Variants in PRKCG observed in about 807,000 individuals in gnomAD.
PRKCG encodes the protein protein kinase C gamma.
Under a neutral mutation model 82.0 loss-of-function variants are expected in PRKCG, and 28 were observed. That is an observed-to-expected ratio of 0.34 (90% CI 0.25 to 0.47). PRKCG has a LOEUF of 0.47. Among genes scored for constraint, PRKCG ranks in the 20% least tolerant of loss-of-function variants. PRKCG has a pLI of 1.00. For synonymous variants in PRKCG, 383 were observed against 376.6 expected (o/e 1.02, Z -0.20); for missense variants, 640 against 952.7 (o/e 0.67, Z 4.32).
intron 15 of PRKCG, among the ~76,000 whole-genome samples, chr19:53,904,203 C>T (rs1032275207): frequency 2.6e-5 from 4 of 151,808 alleles, no homozygotes; most frequent in Admixed American, 2.0e-4. Context: ...TGAGACCAGC[C>T]TGGCCAATAT....
At chr19:53,888,101 G>A (rs1394967395) in intron 3 of PRKCG, among the ~76,000 whole-genome samples, 1 of 152,202 alleles carries the variant, frequency 6.6e-6, no homozygotes, top group African/African-American at 2.4e-5. Flanking sequence ...TGGATGGTTT[G>A]TGTGTCAGGC....
Position 53,890,036 on chromosome 19 carries a change from GCCTGGCCCCGCCCCCTCC to G in PRKCG, c.529+22_529+39del, listed in dbSNP as rs763913242. 1 of 1,546,698 alleles carries G rather than the reference GCCTGGCCCCGCCCCCTCC, an allele frequency of 6.5e-7. No homozygotes were observed. The highest frequency in any genetic ancestry group is 1.2e-5 in the South Asian group (1 of 84,198). On this transcript the variant is annotated intron_variant, in intron 5 of 17. Transcript: ENST00000263431. ...GTAACTGGTGAGGCCCCGCCCCCTC[GCCTGGCCCCGCCCCCTCC>G]CCAAGTGTGAGGCGGGGCTGACCCA... is the stretch of plus-strand genomic sequence containing the variant.
chr19:53,906,541 G>A lies in PRKCG; in HGVS notation c.1905+84G>A. ...CCTCAATATACCTGTATGTGGGGGTGGGGTTCCCTCTGCAGAGCCCCCCGC... is the reference window on the plus strand; with the variant it reads ...CCTCAATATACCTGTATGTGGGGGTAGGGTTCCCTCTGCAGAGCCCCCCGC... On this transcript the variant is annotated intron_variant, in intron 17 of 17. Transcript: ENST00000263431. 1.9e-6 allele frequency: 3 copies of A among 1,574,356 alleles called. No individual in the cohort carries two copies. The South Asian group carries it at 3.4e-5, about 18-fold the overall frequency.
Position 53,883,113 on chromosome 19 carries a change from G to A in PRKCG, c.171-50G>A, listed in dbSNP as rs770596304. ...GCCCCCTGTGGCTCGCAGAGGTTGG[G>A]GGTCCAGGTACCCCTTTCTGCACTG... On this transcript the variant is annotated intron_variant, in intron 1 of 17. Coordinates refer to ENST00000263431, the MANE Select transcript of PRKCG (RefSeq NM_002739.5). This position sits in a 1 kb window ranked among gnomAD's most constrained non-coding sequence, Gnocchi z 5.4. 4 of 1,611,756 alleles carry A rather than the reference G, an allele frequency of 2.5e-6. No homozygotes were observed. In the South Asian group the frequency reaches 3.3e-5, roughly 13 times the overall value.
chr19:53,900,158 C>G lies in PRKCG; in HGVS notation c.1282-75C>G, dbSNP rs1176939047. ...GCATCTGGAACCTTCCACGTCTGTC[C>G]TGAGTGATCAGGAAAGAAATTCTCC... On this transcript the variant is annotated intron_variant, in intron 11 of 17. Transcript: ENST00000263431. The surrounding 1 kb of genome is among the most constrained non-coding windows in gnomAD (Gnocchi z 4.2). The G allele has an allele frequency of 1.4e-6, 2 of 1,407,350 alleles. No homozygotes were observed. Among genetic ancestry groups the G allele is most frequent in the African/African-American group, 2.8e-5 (2 of 70,620 alleles). 87.2% of individuals were successfully genotyped at this position (1,407,350 alleles called of 1,614,324 possible).
intron 16 of PRKCG, among the ~76,000 whole-genome samples, chr19:53,906,068 TCCTCCTCCTCCTC>T (rs1568763902): frequency 3.1e-5 from 2 of 64,218 alleles, no homozygotes; most frequent in Non-Finnish European, 5.0e-5. Flanking sequence ...CTCCTCCTCC[TCCTCCTCCTCCTC>T]CTCCTTCTTC....
At chr19:53,881,355 C>T (rs1374091801), upstream of PRKCG, among the ~76,000 whole-genome samples, 1 of 151,624 alleles carries the variant, frequency 6.6e-6, no homozygotes, top group Non-Finnish European at 1.5e-5. Flanking sequence ...GAGAGGAAGA[C>T]AGAGACGGAC....
intron 9 of PRKCG, among the ~76,000 whole-genome samples, chr19:53,894,937 G>A (rs531624954): frequency 1.3e-5 from 2 of 152,308 alleles, no homozygotes; most frequent in Admixed American, 1.3e-4. Context: ...CCCTGGCACA[G>A]CCTGAGTCAG....
rs573542877 is a variant in PRKCG, at chr19:53,896,458, C to T, written c.940-1501C>T. ...TATTTGAGACACAGTCTCGCTCTGTCGCCCAGGCTGGAATGCAGTGGAGCG... is the reference window on the plus strand; with the variant it reads ...TATTTGAGACACAGTCTCGCTCTGTTGCCCAGGCTGGAATGCAGTGGAGCG... On this transcript the variant is annotated intron_variant, in intron 9 of 17. Transcript: ENST00000263431. 8.6e-5 allele frequency among the ~76,000 whole-genome samples: 13 copies of T among 151,624 alleles called. No individual in the cohort carries two copies. In the East Asian group the frequency reaches 1.2e-3, roughly 14 times the overall value.
At position 53,892,794 on chromosome 19, in the gene PRKCG, A is replaced by ACACG. The variant is rs2068688914; in HGVS notation, c.821+154_821+155insGCAC. Reference sequence around the variant, plus strand: ...CACACACACACACGCACACACACGCACACACCCCTCTCTCTCTATTCTTCT... The same window carrying ACACG: ...CACACACACACACGCACACACACGCACACGCACACCCCTCTCTCTCTATTCTTCT... On this transcript the variant is annotated intron_variant, in intron 7 of 17. Transcript: ENST00000263431. The surrounding 1 kb of genome is among the most constrained non-coding windows in gnomAD (Gnocchi z 5.9). 5 of 1,156,212 alleles carry ACACG rather than the reference A, an allele frequency of 4.3e-6. No individual in the cohort carries two copies. The highest frequency in any genetic ancestry group is 6.1e-6 in the Non-Finnish European group (5 of 814,290). 71.6% of individuals were successfully genotyped at this position (1,156,212 alleles called of 1,614,324 possible). A position where few individuals can be genotyped will look rare whatever the true frequency, so the allele number is the denominator to read the frequency against.
intron 16 of PRKCG, among the ~76,000 whole-genome samples, 191 bp downstream of exon 16, chr19:53,904,933 C>T (rs2068790858): frequency 6.6e-6 from 1 of 152,186 alleles, no homozygotes; most frequent in Non-Finnish European, 1.5e-5. Flanking sequence ...CTGGAGATGG[C>T]CTCTGTCTCA....
intron 11 of PRKCG, 136 bp downstream of exon 11, chr19:53,898,764 C>T (rs1165088673): frequency 4.5e-6 from 2 of 446,234 alleles, no homozygotes; most frequent in Admixed American, 9.1e-5. Context: ...GGCGGATTGT[C>T]TCCTCAGGGG....
chr19:53,900,698 C>G lies in PRKCG; in HGVS notation c.1524C>G (p.Pro508=). The G allele has an allele frequency of 6.2e-7, 1 of 1,614,208 alleles. No individual in the cohort carries two copies. Among genetic ancestry groups the G allele is most frequent in the South Asian group, 1.1e-5 (1 of 91,084 alleles). ...DFGMCKENVF[P]GTTTRTFCGT... is the part of the protein sequence containing the mutation. The stretch of plus-strand genomic sequence containing the variant: ...GCATGTGTAAGGAGAACGTCTTCCC[C>G]GGGACGACAACCCGCACCTTCTGCG... The change falls in exon 14 of 18, where the codon CCC becomes CCG. Residue 508 remains proline (P), a synonymous_variant. Transcript: ENST00000263431. The surrounding 1 kb of genome is among the most constrained non-coding windows in gnomAD (Gnocchi z 4.2).
chr19:53,889,509 C>T lies in PRKCG; in HGVS notation c.286-129C>T, dbSNP rs1952005641. On this transcript the variant is annotated intron_variant, in intron 3 of 17. Transcript: ENST00000263431. The surrounding 1 kb of genome is among the most constrained non-coding windows in gnomAD (Gnocchi z 4.4). ...AGCAGGTGCTCAATGATTATTGGTA[C>T]ATAGAGTGAAAGAGATGGAGCCTCA... The T allele has an allele frequency of 1.4e-6, 1 of 714,380 alleles. No homozygotes were observed. The highest frequency in any genetic ancestry group is 2.5e-6 in the Non-Finnish European group (1 of 394,592). 44.3% of individuals were successfully genotyped at this position (714,380 alleles called of 1,614,324 possible).
Position 53,906,901 on chromosome 19 carries a change from C to T in PRKCG, c.*6C>T, listed in dbSNP as rs1568764963. On this transcript the variant is annotated 3_prime_UTR_variant, in exon 18 of 18. Transcript: ENST00000263431. ...TGCCTGTGCCCGTCATGTAATCTCA[C>T]CCGCCGCCACTAGGTGTCCCCAACG... 3 of 1,613,304 alleles carry T rather than the reference C, an allele frequency of 1.9e-6. No individual in the cohort carries two copies. Among genetic ancestry groups the T allele is most frequent in the South Asian group, 1.1e-5 (1 of 91,088 alleles).
chr19:53,901,849 CAAA>C (rs752402468), intron 14 of PRKCG, among the ~76,000 whole-genome samples: 15 of 69,034 alleles, frequency 2.2e-4, no homozygotes, highest in Admixed American at 1.7e-4. Flanking sequence ...GACCCTGTCT[CAAA>C]AAAAAAAAAA....
At position 53,906,911 on chromosome 19, in the gene PRKCG, C is replaced by T. The variant is rs1306693735; in HGVS notation, c.*16C>T. Reference sequence around the variant, plus strand: ...CGTCATGTAATCTCACCCGCCGCCACTAGGTGTCCCCAACGTCCCCTCCGC... The same window carrying T: ...CGTCATGTAATCTCACCCGCCGCCATTAGGTGTCCCCAACGTCCCCTCCGC... On this transcript the variant is annotated 3_prime_UTR_variant, in exon 18 of 18. Transcript: ENST00000263431. 1.2e-6 allele frequency: 2 copies of T among 1,613,340 alleles called. No homozygotes were observed. Among genetic ancestry groups the T allele is most frequent in the Non-Finnish European group, 1.7e-6 (2 of 1,179,898 alleles).
At chr19:53,894,441 C>CTTCT (rs35641211) in intron 9 of PRKCG, among the ~76,000 whole-genome samples, 1 of 150,612 alleles carries the variant, frequency 6.6e-6, no homozygotes, top group Non-Finnish European at 1.5e-5. Flanking sequence ...ACTGAATATC[C>CTTCT]TTCTTTTTCT....
At chr19:53,893,479 C>T in intron 9 of PRKCG, 88 bp downstream of exon 9, 1 of 1,379,802 alleles carries the variant, frequency 7.2e-7, no homozygotes, top group Non-Finnish European at 1.0e-6. Flanking sequence ...CTTCAATTCC[C>T]CACACATGAG....
Sources: gnomAD v4.1 joint callset for allele counts (sites outside exome capture counted in the v4.1 genomes callset) on GRCh38, gnomAD v4.1.1 for gene constraint, Gnocchi (gnomAD v3.1) non-coding constraint, MANE v1.5 for transcripts, NCBI Gene and HGNC (gene_info 2026-07-23, HGNC 2026-07-21) for gene names.